PPME1: variants seen among roughly 807,000 people sequenced by gnomAD.
The protein encoded by PPME1 is testicular secretory protein Li 39.
A neutral mutation model predicts 56.9 loss-of-function variants in PPME1; 17 were observed. That is an observed-to-expected ratio of 0.30 (90% CI 0.20 to 0.45). The LOEUF (loss-of-function observed/expected upper bound fraction) is 0.45. Ranked by LOEUF, PPME1 falls within the 20% of genes least tolerant of loss-of-function variation. PPME1 has a pLI of 1.00. For missense variants in PPME1, 357 were observed against 483.2 expected, an observed-to-expected ratio of 0.74 and a Z score of 2.45; for synonymous variants, 122 against 156.2, an observed-to-expected ratio of 0.78 and a Z score of 1.63.
At chr11:74,248,642 G>C (rs1591071061) in intron 11 of PPME1, 1 of 152,074 alleles carries the variant, frequency 6.6e-6, no homozygotes, top group African/African-American at 2.4e-5. Flanking sequence ...TATGGGCTTA[G>C]ACACTTATTT....
chr11:74,212,515 C>G (rs1478446705), intron 3 of PPME1, among the ~76,000 whole-genome samples: 1 of 152,146 alleles, frequency 6.6e-6, no homozygotes, highest in African/African-American at 2.4e-5. Flanking sequence ...TGTGAGACAC[C>G]AGGGGCAGCC....
At chr11:74,226,565 T>C (rs1458985712) in intron 5 of PPME1, among the ~76,000 whole-genome samples, 1 of 152,192 alleles carries the variant, frequency 6.6e-6, no homozygotes, top group Non-Finnish European at 1.5e-5. Flanking sequence ...ATAGGAAGAT[T>C]TGTGAATGAT....
chr11:74,188,924 A>G (rs1857762650), intron 1 of PPME1, among the ~76,000 whole-genome samples: 1 of 152,260 alleles, frequency 6.6e-6, no homozygotes, highest in Admixed American at 6.5e-5. Context: ...ACATGCTTAT[A>G]AAACAAAAAT....
intron 1 of PPME1, 128 bp downstream of exon 1, chr11:74,171,650 A>G (rs1857233646): frequency 2.4e-6 from 3 of 1,240,978 alleles, no homozygotes. Flanking sequence ...GCCTGGAGAT[A>G]TTTAGATGGA....
At chr11:74,180,443 T>C (rs7129774) in intron 1 of PPME1, among the ~76,000 whole-genome samples, 19,921 of 152,118 alleles carry the variant, frequency 0.13, 3,570 homozygotes, top group African/African-American at 0.41. Flanking sequence ...TATTTCCCCA[T>C]CAGTTCCCTT....
chr11:74,186,807 G>A (rs1273119065), intron 1 of PPME1, among the ~76,000 whole-genome samples: 1 of 152,096 alleles, frequency 6.6e-6, no homozygotes, highest in Non-Finnish European at 1.5e-5. Flanking sequence ...TCCTATAAAG[G>A]CTCAAGAATT....
At chr11:74,209,654 G>A (rs1858422087) in intron 3 of PPME1, among the ~76,000 whole-genome samples, 1 of 152,118 alleles carries the variant, frequency 6.6e-6, no homozygotes, top group Admixed American at 6.5e-5. Flanking sequence ...TGATTGGGCA[G>A]GAAACCACAG....
chr11:74,191,650 C>G (rs1163154835), intron 1 of PPME1, among the ~76,000 whole-genome samples: 1 of 152,228 alleles, frequency 6.6e-6, no homozygotes, highest in African/African-American at 2.4e-5. Flanking sequence ...GGACTCTGCA[C>G]CTTGTATCCT....
At chr11:74,243,554 T>G (rs1859430431) in intron 9 of PPME1, 1 of 152,104 alleles carries the variant, frequency 6.6e-6, no homozygotes. Flanking sequence ...GTGTTTCCTT[T>G]AAAGTGTCCT....
intron 7 of PPME1, among the ~76,000 whole-genome samples, chr11:74,232,716 C>T (rs1036966731): frequency 1.3e-5 from 2 of 149,484 alleles, no homozygotes; most frequent in African/African-American, 4.9e-5. Context: ...CACTCTGTTG[C>T]CCAGGCTGTG....
chr11:74,188,710 TA>T (rs1357514401), intron 1 of PPME1, among the ~76,000 whole-genome samples: 1 of 152,234 alleles, frequency 6.6e-6, no homozygotes, highest in Non-Finnish European at 1.5e-5. Flanking sequence ...GTGCTACCAT[TA>T]AAAATAACCA....
At chr11:74,250,140 C>T (rs1390466257) in intron 11 of PPME1, 2 of 152,054 alleles carry the variant, frequency 1.3e-5, no homozygotes, top group African/African-American at 2.4e-5. Context: ...ATGTAATGAC[C>T]AGAAGAACTT....
chr11:74,206,373 A>T (rs891023528), intron 3 of PPME1, among the ~76,000 whole-genome samples: 1 of 152,064 alleles, frequency 6.6e-6, no homozygotes, highest in Non-Finnish European at 1.5e-5. Context: ...CTTTTACTGG[A>T]AACTATTTTC....
intron 9 of PPME1, chr11:74,243,334 A>T (rs1027589336): frequency 2.0e-5 from 3 of 151,810 alleles, no homozygotes; most frequent in Admixed American, 6.6e-5. Context: ...AAGATTTGAG[A>T]TGAACTGTTA....
intron 9 of PPME1, among the ~76,000 whole-genome samples, chr11:74,243,913 C>T (rs1859441926): frequency 6.6e-6 from 1 of 151,862 alleles, no homozygotes; most frequent in Admixed American, 6.6e-5. Flanking sequence ...GATTTTATGC[C>T]TATTAAACAA....
intron 7 of PPME1, among the ~76,000 whole-genome samples, chr11:74,233,175 G>C (rs1303284421): frequency 1.3e-5 from 2 of 152,090 alleles, no homozygotes; most frequent in African/African-American, 4.8e-5. Flanking sequence ...AAGGAAGCCA[G>C]GGGATATACC....
At chr11:74,211,157 G>A (rs1259999674) in intron 3 of PPME1, among the ~76,000 whole-genome samples, 1 of 151,806 alleles carries the variant, frequency 6.6e-6, no homozygotes, top group Non-Finnish European at 1.5e-5. Context: ...CATTTATGAA[G>A]AAAACAATAA....
intron 1 of PPME1, among the ~76,000 whole-genome samples, chr11:74,192,046 A>T (rs911080254): frequency 1.3e-5 from 2 of 152,216 alleles, no homozygotes; most frequent in African/African-American, 4.8e-5. Flanking sequence ...CATCCTGAGC[A>T]TGGAAAAGCT....
At position 74,171,345 on chromosome 11, in the gene PPME1, C is replaced by A; in HGVS notation, c.-77C>A. On this transcript the variant is annotated 5_prime_UTR_variant, in exon 1 of 14. Coordinates refer to ENST00000328257, the MANE Select transcript of PPME1 (RefSeq NM_016147.3). ...ACAGGGCGTCGTTAGGGGAGCGAGT[C>A]GTGACCGGTTGGGCCACACTCAACG... 1 of 1,529,414 alleles carries A rather than the reference C, an allele frequency of 6.5e-7. No individual in the cohort carries two copies. The highest frequency in any genetic ancestry group is 8.8e-7 in the Non-Finnish European group (1 of 1,135,358). 94.7% of individuals were successfully genotyped at this position (1,529,414 alleles called of 1,614,324 possible).
Sources: allele counts gnomAD v4.1 joint callset (sites outside exome capture counted in the v4.1 genomes callset), GRCh38; gene constraint gnomAD v4.1.1; transcripts MANE v1.5; gene names NCBI Gene and HGNC (gene_info 2026-07-23, HGNC 2026-07-21).